Variants in TUSC3 observed in about 807,000 individuals in gnomAD.
TUSC3 encodes the protein dolichyl-diphosphooligosaccharide--protein glycosyltransferase subunit TUSC3.
TUSC3 carries 45 observed loss-of-function variants against 44.8 expected under a neutral mutation model. The observed-to-expected ratio is 1.00, with a 90% CI of 0.79 to 1.29. The LOEUF is 1.29. Among genes scored for constraint, TUSC3 ranks in the 50% most tolerant of loss-of-function variants. The pLI is 0.00. For missense variants in TUSC3, 519 were observed against 437.9 expected (o/e 1.19, Z -1.65); for synonymous variants, 212 against 152.9 (o/e 1.39, Z -2.85).
chr8:15,798,649 T>TGTG, the TUSC3 span, among the ~76,000 whole-genome samples: 101 of 147,262 alleles, frequency 6.9e-4, 1 homozygote, highest in South Asian at 4.2e-3. Flanking sequence ...CCTGGGTGTG[T>TGTG]GGGGGGGGTC....
At chr8:15,771,061 T>C (rs2721233), downstream of TUSC3, among the ~76,000 whole-genome samples, 1,521 of 152,292 alleles carry the variant, frequency 1.0e-2, 9 homozygotes, top group Middle Eastern at 0.027. Flanking sequence ...GTAAGATTAA[T>C]AGCCAGTTGC....
chr8:15,583,679 G>T (rs1233234250), intron 1 of TUSC3, among the ~76,000 whole-genome samples: 1 of 152,156 alleles, frequency 6.6e-6, no homozygotes, highest in Admixed American at 6.5e-5. Flanking sequence ...TGTACTGGAA[G>T]TGTTCACCTT....
At chr8:15,784,563 G>A in the TUSC3 span, among the ~76,000 whole-genome samples, 11 of 151,956 alleles carry the variant, frequency 7.2e-5, no homozygotes, top group East Asian at 9.7e-4. Flanking sequence ...CACACACACC[G>A]TGGAATACCA....
chr8:15,745,609 A>G (rs1340300818), intron 8 of TUSC3, among the ~76,000 whole-genome samples: 2 of 151,826 alleles, frequency 1.3e-5, no homozygotes, highest in African/African-American at 4.8e-5. Flanking sequence ...CTTTTAAGAA[A>G]TACCTGTTCA....
chr8:15,513,740 G>A (rs544307000), intron 2 of TUSC3, among the ~76,000 whole-genome samples: 5 of 152,132 alleles, frequency 3.3e-5, no homozygotes, highest in Admixed American at 2.6e-4. Flanking sequence ...ATAAGCAGCA[G>A]GTTGGCTCTG....
intron 2 of TUSC3, among the ~76,000 whole-genome samples, chr8:15,638,134 T>C (rs930008843): frequency 1.3e-5 from 2 of 152,124 alleles, no homozygotes; most frequent in Non-Finnish European, 2.9e-5. Context: ...TCAGCTGAGA[T>C]TCTGTCTTTC....
chr8:15,829,305 A>T, the TUSC3 span, among the ~76,000 whole-genome samples: 1 of 152,188 alleles, frequency 6.6e-6, no homozygotes, highest in Non-Finnish European at 1.5e-5. Context: ...TTTTGAAGTG[A>T]AAGTGCCAGA....
At chr8:15,564,204 A>G (rs560303586) in intron 1 of TUSC3, among the ~76,000 whole-genome samples, 2 of 152,204 alleles carry the variant, frequency 1.3e-5, no homozygotes, top group East Asian at 3.9e-4. Flanking sequence ...AACAATGGGG[A>G]TGGAATTTTC....
intron 10 of TUSC3, among the ~76,000 whole-genome samples, chr8:15,759,829 AATC>A (rs1812096555): frequency 6.6e-6 from 1 of 152,156 alleles, no homozygotes; most frequent in Non-Finnish European, 1.5e-5. Context: ...TACGTTAAAA[AATC>A]ATTATCATCT....
At chr8:15,804,279 G>C in the TUSC3 span, among the ~76,000 whole-genome samples, 1 of 152,128 alleles carries the variant, frequency 6.6e-6, no homozygotes, top group Non-Finnish European at 1.5e-5. Context: ...TTTTTAAAAA[G>C]TTTACACTCT....
intron 1 of TUSC3, among the ~76,000 whole-genome samples, chr8:15,572,319 C>T (rs1802908457): frequency 7.9e-5 from 12 of 152,162 alleles, no homozygotes; most frequent in Admixed American, 7.2e-4. Flanking sequence ...CCTCATGAAC[C>T]AACCTCTGCC....
At position 15,666,195 on chromosome 8, in the gene TUSC3, C is replaced by G. The variant is rs142217290; in HGVS notation, c.708+3899C>G. On this transcript the variant is annotated intron_variant, in intron 5 of 10. Transcript: ENST00000503731. ...GCAACCTAAAGGTCCTCATAGGTGA[C>G]TGTCATTTCAAGCCAGAAAATATTA... Among the ~76,000 whole-genome samples, 10 of 151,526 alleles carry G rather than the reference C, an allele frequency of 6.6e-5. No individual in the cohort carries two copies. The East Asian group carries it at 1.9e-3, about 29-fold the overall frequency.
chr8:15,821,357 G>A, the TUSC3 span, among the ~76,000 whole-genome samples: 2 of 43,614 alleles, frequency 4.6e-5, no homozygotes, highest in African/African-American at 5.8e-5. Flanking sequence ...ATGTATCTAG[G>A]CATTTTTTTT....
chr8:15,523,521 A>C (rs2129129788), intron 2 of TUSC3, among the ~76,000 whole-genome samples: 1 of 151,832 alleles, frequency 6.6e-6, no homozygotes, highest in South Asian at 2.1e-4. Flanking sequence ...ATCACCCATC[A>C]AGGTATTGTG....
chr8:15,521,627 AG>A (rs1801300104), intron 2 of TUSC3, among the ~76,000 whole-genome samples: 1 of 151,576 alleles, frequency 6.6e-6, no homozygotes, highest in African/African-American at 2.4e-5. Context: ...CCCCAAAAAA[AG>A]GTACGTGCAT....
intron 1 of TUSC3, among the ~76,000 whole-genome samples, chr8:15,541,960 G>A (rs1427898390): frequency 6.6e-6 from 1 of 151,544 alleles, no homozygotes; most frequent in African/African-American, 2.4e-5. Flanking sequence ...TTCATTTGAA[G>A]GGTGTGAACC....
the TUSC3 span, among the ~76,000 whole-genome samples, chr8:15,846,823 C>G: frequency 6.9e-6 from 1 of 145,980 alleles, no homozygotes; most frequent in African/African-American, 2.6e-5. Flanking sequence ...ACCCATGTAA[C>G]AAACCTGCAT....
chr8:15,522,815 A>G (rs2129129675), intron 2 of TUSC3, among the ~76,000 whole-genome samples: 1 of 152,268 alleles, frequency 6.6e-6, no homozygotes, highest in African/African-American at 2.4e-5. Flanking sequence ...TTTACCTCTG[A>G]CAGGCTCAAG....
At chr8:15,506,951 T>C (rs1175443473) in intron 2 of TUSC3, among the ~76,000 whole-genome samples, 1 of 152,228 alleles carries the variant, frequency 6.6e-6, no homozygotes, top group African/African-American at 2.4e-5. Context: ...CATGCCCTTT[T>C]TGTCTGGTCA....
Sources: allele counts gnomAD v4.1 joint callset (sites outside exome capture counted in the v4.1 genomes callset), GRCh38; gene constraint gnomAD v4.1.1; transcripts MANE v1.5; gene names NCBI Gene and HGNC (gene_info 2026-07-23, HGNC 2026-07-21).